Variants in CCDC82 observed in about 807,000 individuals in gnomAD.
CCDC82 encodes coiled-coil domain containing 82.
CCDC82 carries 47 observed loss-of-function variants against 60.6 expected under a neutral mutation model. The observed-to-expected ratio is 0.77, with a 90% CI of 0.61 to 0.99. The LOEUF (loss-of-function observed/expected upper bound fraction) is 0.99. CCDC82 is among the 50% of genes least tolerant of loss of function. The pLI, the probability that CCDC82 is intolerant of heterozygous loss-of-function variation, is 0.00. For synonymous variants in CCDC82, 212 were observed against 207.4 expected (o/e 1.02, Z -0.19); for missense variants, 588 against 633.0 (o/e 0.93, Z 0.76).
intron 5 of CCDC82, among the ~76,000 whole-genome samples, chr11:96,377,836 TG>T (rs1865672159): frequency 6.6e-6 from 1 of 152,118 alleles, no homozygotes; most frequent in Non-Finnish European, 1.5e-5. Flanking sequence ...ATTAGCAATG[TG>T]GGCCTCTTTA....
chr11:96,365,422 C>G (rs979980172), intron 7 of CCDC82, among the ~76,000 whole-genome samples: 10 of 152,130 alleles, frequency 6.6e-5, no homozygotes, highest in Non-Finnish European at 1.2e-4. Context: ...GTTGCTACTT[C>G]TTTTCCATTT....
intron 5 of CCDC82, chr11:96,381,034 CTG>C (rs1319931075): frequency 1.3e-5 from 2 of 151,684 alleles, no homozygotes; most frequent in East Asian, 1.9e-4. Flanking sequence ...ATAGGGGAAA[CTG>C]TGTACGTGAG....
chr11:96,354,754 T>C lies in CCDC82; in HGVS notation c.1567-1040A>G, dbSNP rs536242034. ...AGGTTGTTTGTGCGAGGGAAAGATA[T>C]CATGATTTCAGTTTCAGACATATAG... On this transcript the variant is annotated intron_variant, in intron 9 of 9. Coordinates refer to ENST00000646818, the MANE Select transcript of CCDC82 (RefSeq NM_024725.4). The C allele has an allele frequency of 4.6e-5, 7 of 152,310 alleles. No homozygotes were observed. In the East Asian group the frequency reaches 1.2e-3, roughly 25 times the overall value. The allele number at this position is 152,310 out of a possible 1,614,324, so 9.4% of individuals were successfully genotyped here.
chr11:96,383,889 CTT>C (rs1191189674), intron 4 of CCDC82, 71 bp downstream of exon 4: 107 of 1,393,238 alleles, frequency 7.7e-5, no homozygotes, highest in Non-Finnish European at 1.0e-4. Flanking sequence ...GGACTCAGCA[CTT>C]TTTTATAAAA....
At chr11:96,385,484 T>C in intron 3 of CCDC82, 1 of 152,444 alleles carries the variant, frequency 6.6e-6, no homozygotes. Context: ...CGAAGAAAGT[T>C]ATAAAGTAAC....
intron 3 of CCDC82, chr11:96,385,739 A>G (rs938051386): frequency 2.0e-5 from 3 of 152,208 alleles, no homozygotes; most frequent in Non-Finnish European, 2.9e-5. Context: ...ATCATTTAGA[A>G]AAGAATGAAT....
At chr11:96,373,551 G>A (rs1865402632) in intron 5 of CCDC82, 84 bp from the exon 6 acceptor site, 1 of 770,830 alleles carries the variant, frequency 1.3e-6, no homozygotes, top group Admixed American at 2.6e-5. Flanking sequence ...CCACTGCTAA[G>A]AAATTAAAAC....
intron 4 of CCDC82, 135 bp from the exon 5 acceptor site, chr11:96,383,608 A>T: frequency 1.7e-6 from 1 of 591,378 alleles, no homozygotes; most frequent in South Asian, 3.0e-5. Context: ...AGTTAAAAAT[A>T]AATAATTTTG....
At chr11:96,375,179 G>T (rs1387466826) in intron 5 of CCDC82, among the ~76,000 whole-genome samples, 1 of 152,146 alleles carries the variant, frequency 6.6e-6, no homozygotes, top group Admixed American at 6.5e-5. Context: ...TTCATCCCAT[G>T]TGCACCTAAG....
intron 9 of CCDC82, chr11:96,358,647 G>A (rs1271652102): frequency 2.4e-6 from 3 of 1,242,370 alleles, no homozygotes; most frequent in Non-Finnish European, 3.0e-6. Flanking sequence ...GACAAGCAGA[G>A]GTGAGTCCTA....
intron 9 of CCDC82, 95 bp from the exon 10 acceptor site, chr11:96,353,809 T>G: frequency 1.3e-6 from 1 of 782,512 alleles, no homozygotes; most frequent in Non-Finnish European, 2.1e-6. Flanking sequence ...ATAAGTCCAT[T>G]TCATGGTAAT....
chr11:96,383,441 A>G lies in CCDC82; in HGVS notation c.819T>C (p.Asp273=). 6.2e-7 allele frequency: 1 copy of G among 1,605,356 alleles called. No individual in the cohort carries two copies. The highest frequency in any genetic ancestry group is 1.1e-5 in the South Asian group (1 of 90,346). ...DSEKESCPSS[D]EVDEEEEEDN... ...CCTCTTCTTCCTCCTCATCAACTTC[A>G]TCACTGCTTGGGCAAGATTCCTTTT... Residue 273 remains aspartate (D), a synonymous_variant, in exon 5 of 10, where the codon GAT becomes GAC. Transcript: ENST00000646818.
Position 96,373,387 on chromosome 11 carries a change from C to T in CCDC82, c.1072G>A (p.Gly358Arg), listed in dbSNP as rs1169825184. The T allele has an allele frequency of 3.8e-6, 6 of 1,598,266 alleles. No individual in the cohort carries two copies. In the South Asian group the frequency reaches 6.7e-5, roughly 18 times the overall value. ...AGTATTAACTTACCATATAATGTTCCCAGAAAAGATTCATCTAAAGCGTTG... is the reference window on the plus strand; with the variant it reads ...AGTATTAACTTACCATATAATGTTCTCAGAAAAGATTCATCTAAAGCGTTG... ...LINALDESFL[G>R]TLYDGTRQKS... Residue 358 changes from glycine to arginine, a missense_variant, in exon 6 of 10, where the codon GGA becomes AGA. Coordinates refer to ENST00000646818, the MANE Select transcript of CCDC82 (RefSeq NM_024725.4).
At chr11:96,371,220 A>T in intron 6 of CCDC82, 83 bp from the exon 7 acceptor site, 1 of 939,882 alleles carries the variant, frequency 1.1e-6, no homozygotes, top group Non-Finnish European at 1.5e-6. Flanking sequence ...ATTTCTTCCC[A>T]ACTTGGTTGG....
intron 8 of CCDC82, among the ~76,000 whole-genome samples, chr11:96,360,212 T>G (rs1300275095): frequency 6.8e-6 from 1 of 148,132 alleles, no homozygotes; most frequent in Admixed American, 6.8e-5. Flanking sequence ...TTTTTGTTTT[T>G]TTTTTCCTGA....
Position 96,384,035 on chromosome 11 carries a change from T to C in CCDC82, c.713A>G (p.Glu238Gly), listed in dbSNP as rs1198311185. The C allele has an allele frequency of 1.9e-6, 3 of 1,613,632 alleles. No homozygotes were observed. In the Admixed American group the frequency reaches 5.0e-5, roughly 27 times the overall value. ...GAGTTCTTTGAGCTTCTGAAGTTTT[T>C]CTCGCTTTTGTGCAGCTAATGTTTT... ...PEKTLAAQKR[E>G]KLQKLKELSK... Residue 238 changes from glutamate (E) to glycine (G), a missense_variant, in exon 4 of 10, where the codon GAA becomes GGA. Transcript: ENST00000646818.
intron 8 of CCDC82, chr11:96,364,353 G>A (rs1278362306): frequency 2.0e-5 from 3 of 152,002 alleles, no homozygotes; most frequent in Admixed American, 6.5e-5. Flanking sequence ...AGATCTCTCA[G>A]AGGGATCTGG....
At chr11:96,370,718 C>G (rs1865216029) in intron 7 of CCDC82, among the ~76,000 whole-genome samples, 1 of 152,172 alleles carries the variant, frequency 6.6e-6, no homozygotes, top group African/African-American at 2.4e-5. Context: ...CCATGGAACT[C>G]TCTTTTCTGA....
intron 8 of CCDC82, among the ~76,000 whole-genome samples, chr11:96,360,195 T>C (rs948514183): frequency 9.8e-5 from 13 of 132,274 alleles, no homozygotes; most frequent in South Asian, 4.9e-4. Flanking sequence ...TATATATATA[T>C]ATATTTTTTT....
Sources: allele counts gnomAD v4.1 joint callset (sites outside exome capture counted in the v4.1 genomes callset), GRCh38; gene constraint gnomAD v4.1.1; transcripts MANE v1.5; gene names NCBI Gene and HGNC (gene_info 2026-07-23, HGNC 2026-07-21).